SLC12A6: variants seen among roughly 807,000 people sequenced by gnomAD.
SLC12A6 encodes the protein K-Cl cotransporter 3.
A neutral mutation model predicts 135.3 loss-of-function variants in SLC12A6; 66 were observed. The ratio of observed to expected loss-of-function variants is 0.49; its 90% CI spans 0.40 to 0.60. The LOEUF is 0.60. Ranked by LOEUF, SLC12A6 falls within the 20% of genes least tolerant of loss-of-function variation. SLC12A6 has a pLI of 0.00. For synonymous variants in SLC12A6, 513 were observed against 508.8 expected (o/e 1.01, Z -0.11); for missense variants, 1,058 against 1,452.3 (o/e 0.73, Z 4.41).
At chr15:34,256,107 C>A in intron 7 of SLC12A6, 122 bp downstream of exon 7, 1 of 732,588 alleles carries the variant, frequency 1.4e-6, no homozygotes. Context: ...GACCATTACT[C>A]TGTTGTAGCA....
At chr15:34,300,069 T>C (rs555522435) in intron 2 of SLC12A6, among the ~76,000 whole-genome samples, 16 of 151,804 alleles carry the variant, frequency 1.1e-4, no homozygotes, top group South Asian at 2.1e-4. Context: ...GACAGAGAGA[T>C]TGAATATTGT....
At chr15:34,328,234 C>T (rs1022508679) in intron 2 of SLC12A6, among the ~76,000 whole-genome samples, 3 of 152,078 alleles carry the variant, frequency 2.0e-5, no homozygotes, top group Admixed American at 1.3e-4. Context: ...AAACTTCAGC[C>T]GTTACATTTT....
At chr15:34,263,427 G>A (rs1051561999) in intron 3 of SLC12A6, among the ~76,000 whole-genome samples, 1 of 151,966 alleles carries the variant, frequency 6.6e-6, no homozygotes, top group Non-Finnish European at 1.5e-5. Flanking sequence ...GGTTTGTGGG[G>A]GAGTTGAAAA....
At chr15:34,318,748 C>A in intron 2 of SLC12A6, 1 of 1,605,326 alleles carries the variant, frequency 6.2e-7, no homozygotes, top group Non-Finnish European at 8.5e-7. Flanking sequence ...CCCTGCCTAC[C>A]TCTTCCTTGC....
chr15:34,333,128 C>CA (rs1595590784), intron 2 of SLC12A6, among the ~76,000 whole-genome samples: 1 of 151,344 alleles, frequency 6.6e-6, no homozygotes, highest in Non-Finnish European at 1.5e-5. Context: ...TGGTGCTTTT[C>CA]AAAAAAATTA....
intron 19 of SLC12A6, 42 bp from the exon 20 acceptor site, chr15:34,239,202 T>C (rs1891475401): frequency 7.0e-7 from 1 of 1,424,276 alleles, no homozygotes; most frequent in Non-Finnish European, 9.9e-7. Context: ...TGGTTCACTC[T>C]GGACATTTTA....
chr15:34,289,096 A>G (rs904587329), intron 2 of SLC12A6, among the ~76,000 whole-genome samples: 1 of 152,184 alleles, frequency 6.6e-6, no homozygotes, highest in Non-Finnish European at 1.5e-5. Context: ...GTTTTTGCCC[A>G]TTCAGTATGA....
chr15:34,319,815 A>G (rs1888934633), intron 2 of SLC12A6, among the ~76,000 whole-genome samples: 1 of 151,968 alleles, frequency 6.6e-6, no homozygotes. Flanking sequence ...AAAAGAAAGA[A>G]AAAGAAAAAA....
In SLC12A6 at chr15:34,245,846, A is replaced by T. The variant is rs757602343; in HGVS notation, c.1671T>A (p.Gly557=). ...LRDKFGDAVK[G]NLVVGTLSWP... is the part of the protein sequence containing the mutation. ...AAGATAAGGTGCCTACCACCAAATT[A>T]CCTTTCACAGCATCACCGAACCTGG... Residue 557 remains glycine (G), a synonymous_variant, in exon 14 of 26, where the codon GGT becomes GGA. Transcript: ENST00000354181. The T allele has an allele frequency of 6.8e-6, 11 of 1,613,092 alleles. 1 individual carries two copies. The South Asian group carries it at 1.1e-4, about 16-fold the overall frequency.
intron 13 of SLC12A6, among the ~76,000 whole-genome samples, chr15:34,249,911 G>A (rs768856516): frequency 6.6e-6 from 1 of 152,028 alleles, no homozygotes; most frequent in Admixed American, 6.6e-5. Flanking sequence ...ACTCAGGTTG[G>A]GTTATTTTTT....
chr15:34,252,600 C>T (rs541312905), intron 9 of SLC12A6, among the ~76,000 whole-genome samples: 1 of 152,276 alleles, frequency 6.6e-6, no homozygotes, highest in East Asian at 1.9e-4. Flanking sequence ...AGCAACCTCA[C>T]AATGTATTAG....
chr15:34,271,403 A>G (rs1008353095), intron 3 of SLC12A6, among the ~76,000 whole-genome samples: 2 of 148,564 alleles, frequency 1.3e-5, no homozygotes, highest in Non-Finnish European at 3.0e-5. Flanking sequence ...TCATGTTGCC[A>G]TTCTTAAGTT....
chr15:34,245,268 G>C lies in SLC12A6; in HGVS notation c.1943+17C>G, dbSNP rs776327802. 1 of 1,243,022 alleles carries C rather than the reference G, an allele frequency of 8.0e-7. No individual in the cohort carries two copies. Among genetic ancestry groups the C allele is most frequent in the Admixed American group, 1.7e-5 (1 of 59,580 alleles). The allele number at this position is 1,243,022 out of a possible 1,614,324, so 77.0% of individuals were successfully genotyped here. On this transcript the variant is annotated intron_variant, in intron 15 of 25. Transcript: ENST00000354181. ...TCATTTAAGCAAGAATAACTGAAGA[G>C]AATCACTGGCTCTTACATGGAAAGA... is the stretch of plus-strand genomic sequence containing the variant.
chr15:34,275,457 C>A (rs550698100), intron 2 of SLC12A6, 68 bp from the exon 3 acceptor site: 5 of 909,424 alleles, frequency 5.5e-6, no homozygotes, highest in African/African-American at 1.6e-5. Flanking sequence ...TCTTTAAAAT[C>A]AGCAACAAAA....
At chr15:34,284,277 C>CTTTTTT (rs71415558) in intron 2 of SLC12A6, among the ~76,000 whole-genome samples, 1,507 of 92,318 alleles carry the variant, frequency 0.016, 3 homozygotes, top group Non-Finnish European at 0.02. Context: ...TGTTTCTTTT[C>CTTTTTT]TTTTTTTTTT....
intron 13 of SLC12A6, among the ~76,000 whole-genome samples, chr15:34,248,723 G>A (rs758613270): frequency 2.0e-5 from 3 of 152,030 alleles, no homozygotes; most frequent in Non-Finnish European, 4.4e-5. Context: ...ACAAGTAGCT[G>A]CAATATAGCA....
At chr15:34,283,668 G>A (rs1470192572) in intron 2 of SLC12A6, among the ~76,000 whole-genome samples, 2 of 152,078 alleles carry the variant, frequency 1.3e-5, no homozygotes, top group African/African-American at 2.4e-5. Flanking sequence ...GGTAAATTAG[G>A]TAGGCACTAC....
chr15:34,316,586 C>T (rs1888665560), intron 2 of SLC12A6, among the ~76,000 whole-genome samples: 1 of 152,074 alleles, frequency 6.6e-6, no homozygotes, highest in African/African-American at 2.4e-5. Context: ...AGTAAAAATG[C>T]TTATTAAACT....
At chr15:34,247,048 T>C (rs1892041544) in intron 13 of SLC12A6, among the ~76,000 whole-genome samples, 1 of 152,150 alleles carries the variant, frequency 6.6e-6, no homozygotes, top group African/African-American at 2.4e-5. Flanking sequence ...AGAAAGTTTG[T>C]ACTAAATTTT....
Sources: gnomAD v4.1 joint callset for allele counts (sites outside exome capture counted in the v4.1 genomes callset) on GRCh38, gnomAD v4.1.1 for gene constraint, MANE v1.5 for transcripts, NCBI Gene and HGNC (gene_info 2026-07-23, HGNC 2026-07-21) for gene names.